DCLK1: variants seen among roughly 807,000 people sequenced by gnomAD.
DCLK1 encodes the protein serine/threonine-protein kinase DCLK1.
In DCLK1, 16 loss-of-function variants were observed where a neutral mutation model predicts 86.2. That is an observed-to-expected ratio of 0.19 (90% CI 0.13 to 0.28). DCLK1 has a LOEUF of 0.28. Ranked by LOEUF, DCLK1 falls within the 10% of genes least tolerant of loss-of-function variation. The pLI is 1.00. For missense variants in DCLK1, 590 were observed against 940.2 expected (o/e 0.63, Z 4.87); for synonymous variants, 369 against 370.5 (o/e 1.00, Z 0.05).
intron 3 of DCLK1, among the ~76,000 whole-genome samples, chr13:35,979,307 C>T (rs1170497392): frequency 6.6e-6 from 1 of 152,102 alleles, no homozygotes; most frequent in Non-Finnish European, 1.5e-5. Flanking sequence ...CGGGGAAGGA[C>T]TAATCAATGA....
intron 4 of DCLK1, among the ~76,000 whole-genome samples, chr13:35,907,276 C>T (rs1224588070): frequency 1.3e-5 from 2 of 152,210 alleles, no homozygotes; most frequent in Non-Finnish European, 2.9e-5. Context: ...GAGCCTCCCA[C>T]CTCAGCCTCT....
intron 16 of DCLK1, among the ~76,000 whole-genome samples, chr13:35,777,765 A>G (rs1231266134): frequency 1.3e-5 from 2 of 152,156 alleles, no homozygotes; most frequent in Non-Finnish European, 2.9e-5. Context: ...GAGGATTCCC[A>G]ACTGACCTGC....
intron 3 of DCLK1, among the ~76,000 whole-genome samples, chr13:36,016,562 A>T (rs961565293): frequency 5.9e-5 from 9 of 152,152 alleles, no homozygotes; most frequent in Admixed American, 5.2e-4. Context: ...ACTTTCTTTT[A>T]TCTGGATTTC....
At chr13:36,103,978 C>T (rs750740517) in intron 3 of DCLK1, among the ~76,000 whole-genome samples, 11 of 152,306 alleles carry the variant, frequency 7.2e-5, no homozygotes, top group Admixed American at 3.3e-4. Context: ...CTATTGTTCC[C>T]CCACAAAATG....
At chr13:35,838,065 C>CAA (rs748395648) in intron 7 of DCLK1, among the ~76,000 whole-genome samples, 4 of 100,384 alleles carry the variant, frequency 4.0e-5, no homozygotes, top group East Asian at 2.8e-4. Context: ...GACTCCATCT[C>CAA]AAAAAAAAAA....
intron 3 of DCLK1, among the ~76,000 whole-genome samples, chr13:36,021,243 T>TA (rs36052794): frequency 3.4e-5 from 5 of 149,210 alleles, no homozygotes; most frequent in African/African-American, 7.4e-5. Context: ...ATAAAAATAA[T>TA]AAAAAAAAAA....
chr13:36,047,238 A>G (rs987382882), intron 3 of DCLK1, among the ~76,000 whole-genome samples: 6 of 152,224 alleles, frequency 3.9e-5, no homozygotes, highest in African/African-American at 1.4e-4. Context: ...GTGGGAATGT[A>G]AATTAGTACA....
At chr13:35,799,718 T>C (rs1243579944) in intron 15 of DCLK1, among the ~76,000 whole-genome samples, 6 of 152,178 alleles carry the variant, frequency 3.9e-5, no homozygotes, top group Non-Finnish European at 5.9e-5. Flanking sequence ...ATCACAATGA[T>C]GATAATTTGA....
chr13:35,901,752 A>G (rs985881089), intron 4 of DCLK1, among the ~76,000 whole-genome samples: 11 of 152,128 alleles, frequency 7.2e-5, no homozygotes, highest in Middle Eastern at 3.4e-3. Context: ...CATTCTCTTC[A>G]GGGAAGTCCT....
At chr13:35,847,075 AC>A in intron 6 of DCLK1, 2 of 984,706 alleles carry the variant, frequency 2.0e-6, no homozygotes, top group Non-Finnish European at 2.4e-6. Context: ...AGCCATCCAT[AC>A]ACACACAATA....
Position 35,868,977 on chromosome 13 carries a change from G to C in DCLK1, c.940+2247C>G, listed in dbSNP as rs557346265. 63 of 384,672 alleles carry C rather than the reference G, an allele frequency of 1.6e-4. 1 individual carries two copies. Among genetic ancestry groups the C allele is most frequent in the Admixed American group, 1.1e-3 (38 of 33,494 alleles). The allele number at this position is 384,672 out of a possible 1,614,324, so 23.8% of individuals were successfully genotyped here. A position where few individuals can be genotyped will look rare whatever the true frequency, so the allele number is the denominator to read the frequency against. ...GGCTAATTTTTGTATTTTTAGTAGA[G>C]ATGGGGTTTCACTACATTGGCCAGG... On this transcript the variant is annotated intron_variant, in intron 5 of 16. Coordinates refer to ENST00000360631, the MANE Select transcript of DCLK1 (RefSeq NM_001330071.2).
At chr13:35,813,730 CT>C (rs35366486) in intron 11 of DCLK1, among the ~76,000 whole-genome samples, 6,741 of 105,482 alleles carry the variant, frequency 0.064, 120 homozygotes, top group East Asian at 0.16. Context: ...CCCCGCCCCG[CT>C]TTTTTTTTTT....
chr13:35,812,506 C>A (rs572084001), intron 11 of DCLK1, among the ~76,000 whole-genome samples: 1 of 152,222 alleles, frequency 6.6e-6, no homozygotes, highest in Non-Finnish European at 1.5e-5. Flanking sequence ...ACTGTTCACA[C>A]GTCACGTCTG....
In DCLK1 at chr13:35,959,892, T is replaced by C. The variant is rs796911613; in HGVS notation, c.724-12435A>G. On this transcript the variant is annotated intron_variant, in intron 3 of 16. Transcript: ENST00000360631. ...GTGTGTGTGTGTGTGTGTGTGTGTG[T>C]GCACCTGTGTGTGCATGTTTATGTG... 2.1e-3 allele frequency among the ~76,000 whole-genome samples: 307 copies of C among 149,600 alleles called. 2 individuals are homozygous for C. In the South Asian group the frequency reaches 0.026, roughly 13 times the overall value.
chr13:35,970,784 C>A (rs1242541600), intron 3 of DCLK1, among the ~76,000 whole-genome samples: 1 of 152,128 alleles, frequency 6.6e-6, no homozygotes, highest in Non-Finnish European at 1.5e-5. Context: ...TCTGTTATAG[C>A]AGCATAAAAT....
chr13:35,956,043 A>C (rs1734619388), intron 3 of DCLK1, among the ~76,000 whole-genome samples: 1 of 152,218 alleles, frequency 6.6e-6, no homozygotes, highest in Admixed American at 6.5e-5. Flanking sequence ...TCTCATTAAG[A>C]CATCCTTTAC....
At chr13:36,061,990 AC>A (rs1394136714) in intron 3 of DCLK1, among the ~76,000 whole-genome samples, 1 of 152,134 alleles carries the variant, frequency 6.6e-6, no homozygotes, top group African/African-American at 2.4e-5. Flanking sequence ...CTCTCTGAGA[AC>A]CCTGTCTAAA....
At chr13:35,914,332 A>ATATATATATATAC (rs1370326616) in intron 4 of DCLK1, among the ~76,000 whole-genome samples, 12 of 74,068 alleles carry the variant, frequency 1.6e-4, no homozygotes, top group African/African-American at 6.9e-4. Flanking sequence ...AAAAAAAAAA[A>ATATATATATATAC]ATATATATAT....
intron 3 of DCLK1, among the ~76,000 whole-genome samples, chr13:35,991,726 C>G (rs961325927): frequency 2.6e-5 from 4 of 152,138 alleles, no homozygotes; most frequent in African/African-American, 9.7e-5. Context: ...TAAACTATCT[C>G]TTGTTATAGG....
Sources: gnomAD v4.1 joint callset for allele counts (sites outside exome capture counted in the v4.1 genomes callset) on GRCh38, gnomAD v4.1.1 for gene constraint, MANE v1.5 for transcripts, NCBI Gene and HGNC (gene_info 2026-07-23, HGNC 2026-07-21) for gene names.